The following ZNRF3 variants were observed in gnomAD, a reference collection of about 807,000 sequenced individuals.
The protein encoded by ZNRF3 is E3 ubiquitin-protein ligase ZNRF3.
ZNRF3 carries 23 observed loss-of-function variants against 72.5 expected under a neutral mutation model. The observed-to-expected ratio is 0.32, with a 90% CI of 0.23 to 0.45. The LOEUF is 0.45. ZNRF3 is among the 20% of genes least tolerant of loss of function. The pLI is 1.00. For missense variants in ZNRF3, 1,169 were observed against 1,272.1 expected, an observed-to-expected ratio of 0.92 and a Z score of 1.23; for synonymous variants, 610 against 545.3, an observed-to-expected ratio of 1.12 and a Z score of -1.65.
At chr22:28,969,834 C>T (rs2035538201) in intron 1 of ZNRF3, among the ~76,000 whole-genome samples, 1 of 152,054 alleles carries the variant, frequency 6.6e-6, no homozygotes, top group Non-Finnish European at 1.5e-5. Context: ...GGCAGTAACC[C>T]AGAGGAGAAG....
intron 1 of ZNRF3, among the ~76,000 whole-genome samples, chr22:28,890,191 A>G (rs2033859160): frequency 6.6e-6 from 1 of 152,208 alleles, no homozygotes; most frequent in Admixed American, 6.5e-5. Context: ...CACTGGTATT[A>G]CAATACTGGG....
chr22:29,035,719 G>A (rs978236381), intron 2 of ZNRF3, among the ~76,000 whole-genome samples: 13 of 152,134 alleles, frequency 8.5e-5, no homozygotes, highest in Non-Finnish European at 1.9e-4. Flanking sequence ...GGGACTACAG[G>A]GGCACGCTGC....
At chr22:28,910,207 T>TTG (rs752574871) in intron 1 of ZNRF3, among the ~76,000 whole-genome samples, 1 of 151,914 alleles carries the variant, frequency 6.6e-6, no homozygotes, top group Non-Finnish European at 1.5e-5. Context: ...GGCTAATTTT[T>TTG]TGTGTGTGTT....
chr22:29,025,959 G>C (rs2036628739), intron 2 of ZNRF3: 1 of 152,234 alleles, frequency 6.6e-6, no homozygotes, highest in African/African-American at 2.4e-5. Context: ...GCGTGGTAGG[G>C]ATGCTTGGGA....
At position 29,050,717 on chromosome 22, in the gene ZNRF3, T is replaced by A; in HGVS notation, c.2536T>A (p.Cys846Ser). 6.2e-7 allele frequency: 1 copy of A among 1,611,658 alleles called. No homozygotes were observed. Among genetic ancestry groups the A allele is most frequent in the African/African-American group, 1.3e-5 (1 of 74,996 alleles). ...CTGTGATCTGGGCCTGCCCTCGGAC[T>A]GCCAAGGGACCCACAGCCTCGGCTC... The part of the protein sequence containing the change: ...VDCDLGLPSD[C>S]QGTHSLGSWG... The change falls in exon 8 of 9, where the codon TGC (cysteine) becomes AGC (serine). Residue 846 changes from cysteine (C) to serine (S), a missense_variant. Cys to Ser is a moderately radical substitution (Grantham distance 112). Around this residue, in one of 2 missense-constraint regions of ZNRF3, gnomAD observed 783 missense variants for 731.4 expected, o/e 1.07. Coordinates refer to ENST00000544604, the MANE Select transcript of ZNRF3 (RefSeq NM_001206998.2).
At chr22:28,968,633 C>T (rs1220788777) in intron 1 of ZNRF3, among the ~76,000 whole-genome samples, 2 of 152,130 alleles carry the variant, frequency 1.3e-5, no homozygotes, top group African/African-American at 4.8e-5. Flanking sequence ...GGCTTGAACC[C>T]GGGAGGCGGA....
chr22:29,027,437 C>G (rs542913641), intron 2 of ZNRF3, among the ~76,000 whole-genome samples: 1 of 151,974 alleles, frequency 6.6e-6, no homozygotes, highest in Admixed American at 6.6e-5. Context: ...GTAGTAGAGA[C>G]GGGGTTTCAC....
At chr22:28,972,169 G>A (rs2035587101) in intron 1 of ZNRF3, among the ~76,000 whole-genome samples, 1 of 152,070 alleles carries the variant, frequency 6.6e-6, no homozygotes, top group Admixed American at 6.5e-5. Flanking sequence ...ATAATTCAGT[G>A]GCTTTTAGTA....
intron 1 of ZNRF3, among the ~76,000 whole-genome samples, chr22:28,894,702 T>C (rs561277607): frequency 2.6e-5 from 4 of 152,320 alleles, no homozygotes; most frequent in African/African-American, 9.6e-5. Flanking sequence ...CTTGAATTCA[T>C]AGTGACACTG....
chr22:29,034,793 G>T (rs943199843), intron 2 of ZNRF3, among the ~76,000 whole-genome samples: 1 of 152,160 alleles, frequency 6.6e-6, no homozygotes, highest in Non-Finnish European at 1.5e-5. Flanking sequence ...TTCAGAGAGG[G>T]ATCTGCCAGC....
intron 1 of ZNRF3, among the ~76,000 whole-genome samples, chr22:28,905,571 G>C (rs1282414975): frequency 1.3e-5 from 2 of 152,184 alleles, no homozygotes; most frequent in African/African-American, 4.8e-5. Flanking sequence ...TAGAACAGAG[G>C]ATAGTGCTTC....
intron 1 of ZNRF3, among the ~76,000 whole-genome samples, chr22:28,892,069 A>G (rs1026942749): frequency 6.6e-6 from 1 of 152,234 alleles, no homozygotes; most frequent in Non-Finnish European, 1.5e-5. Context: ...GGGAGTCTGC[A>G]TGTCTTTCTC....
intron 4 of ZNRF3, 138 bp downstream of exon 4, chr22:29,043,568 T>C: frequency 9.2e-7 from 1 of 1,091,818 alleles, no homozygotes; most frequent in Non-Finnish European, 1.3e-6. Context: ...AGATCAGCTA[T>C]TGGACTCAAG....
At chr22:28,988,122 A>T (rs1002254025) in intron 2 of ZNRF3, among the ~76,000 whole-genome samples, 3 of 152,224 alleles carry the variant, frequency 2.0e-5, no homozygotes, top group African/African-American at 7.2e-5. Context: ...TTTAGACTGC[A>T]TCATTTTGTT....
chr22:28,995,862 G>T (rs534760103), intron 2 of ZNRF3, among the ~76,000 whole-genome samples: 1 of 151,350 alleles, frequency 6.6e-6, no homozygotes, highest in African/African-American at 2.4e-5. Context: ...TGCAACCTCT[G>T]TGCCCCAGGC....
At chr22:29,046,514 G>A (rs1433205731) in intron 5 of ZNRF3, among the ~76,000 whole-genome samples, 1 of 152,142 alleles carries the variant, frequency 6.6e-6, no homozygotes, top group African/African-American at 2.4e-5. Flanking sequence ...CTTAGGAAAA[G>A]CCTAGGTTGA....
chr22:29,044,439 G>T (rs759363421), intron 4 of ZNRF3, among the ~76,000 whole-genome samples: 1 of 152,172 alleles, frequency 6.6e-6, no homozygotes, highest in Non-Finnish European at 1.5e-5. Context: ...TCACTCTTTT[G>T]TCCTATAAAT....
At chr22:28,973,347 G>C (rs1476088757) in intron 1 of ZNRF3, among the ~76,000 whole-genome samples, 1 of 152,118 alleles carries the variant, frequency 6.6e-6, no homozygotes, top group East Asian at 1.9e-4. Flanking sequence ...AGTTCATTTT[G>C]TCTATTTTTT....
chr22:29,049,595 T>G lies in ZNRF3; in HGVS notation c.1414T>G (p.Tyr472Asp). 1 of 1,609,196 alleles carries G rather than the reference T, an allele frequency of 6.2e-7. No homozygotes were observed. Among genetic ancestry groups the G allele is most frequent in the Middle Eastern group, 1.7e-4 (1 of 6,054 alleles). Reference sequence around the variant, plus strand: ...CCAGTATGAGACCATGTACCAGCACTACTACTTCCAGGGCCTCAGCTACCC... The same window carrying G: ...CCAGTATGAGACCATGTACCAGCACGACTACTTCCAGGGCCTCAGCTACCC... ...FSQYETMYQHYYFQGLSYPEQ... is the reference protein window; with the variant it reads ...FSQYETMYQHDYFQGLSYPEQ... The change falls in exon 8 of 9, where the codon TAC (tyrosine) becomes GAC (aspartate). Residue 472 changes from tyrosine (Y) to aspartate (D), a missense_variant. Tyr to Asp is a radical substitution (Grantham distance 160). Around this residue, in one of 2 missense-constraint regions of ZNRF3, gnomAD observed 783 missense variants for 731.4 expected, o/e 1.07. Coordinates refer to ENST00000544604, the MANE Select transcript of ZNRF3 (RefSeq NM_001206998.2). The surrounding 1 kb of genome is among the most constrained non-coding windows in gnomAD (Gnocchi z 5.2).
Sources: gnomAD v4.1 joint callset for allele counts (sites outside exome capture counted in the v4.1 genomes callset) on GRCh38, gnomAD v4.1.1 for gene constraint, gnomAD v4.1.1 regional missense constraint, Gnocchi (gnomAD v3.1) non-coding constraint, MANE v1.5 for transcripts, NCBI Gene and HGNC (gene_info 2026-07-23, HGNC 2026-07-21) for gene names.